Variants in ZNF562 observed in about 807,000 individuals in gnomAD.
ZNF562 encodes the protein zinc finger protein 562.
Under a neutral mutation model 17.5 loss-of-function variants are expected in ZNF562, and 13 were observed. The observed-to-expected ratio is 0.74, with a 90% CI of 0.48 to 1.18. ZNF562 has a LOEUF of 1.18. Among genes scored for constraint, ZNF562 ranks in the 50% most tolerant of loss-of-function variants. The pLI, the probability that ZNF562 is intolerant of heterozygous loss-of-function variation, is 0.00. For missense variants in ZNF562, 481 were observed against 498.5 expected (o/e 0.96, Z 0.33); for synonymous variants, 163 against 165.4 (o/e 0.99, Z 0.11).
rs1278189853 is a variant in ZNF562, at chr19:9,645,903, ATAAAT to A, written c.*7041_*7045del. On this transcript the variant is annotated 3_prime_UTR_variant, in exon 6 of 6. Transcript: ENST00000453372. ...ACAAATTTCAAACATCAAGAATAAAATAAATTAAAGGTATGATCAATACACATCAG... is the reference window on the plus strand; with the variant it reads ...ACAAATTTCAAACATCAAGAATAAAATAAAGGTATGATCAATACACATCAG... The A allele has an allele frequency of 5.3e-5, 8 of 152,194 alleles. No homozygotes were observed. The highest frequency in any genetic ancestry group is 7.2e-5 in the African/African-American group (3 of 41,448). 9.4% of individuals were successfully genotyped at this position (152,194 alleles called of 1,614,324 possible).
intron 1 of ZNF562, among the ~76,000 whole-genome samples, chr19:9,663,916 A>AT (rs1045118128): frequency 2.0e-3 from 298 of 147,834 alleles, no homozygotes; most frequent in Middle Eastern, 7.0e-3. Context: ...ATTCCCAGCT[A>AT]TTTTTTTTTT....
chr19:9,656,462 T>C, intron 5 of ZNF562, 85 bp downstream of exon 5: 3 of 1,455,550 alleles, frequency 2.1e-6, no homozygotes, highest in Non-Finnish European at 2.9e-6. Flanking sequence ...TGAGCTGAGA[T>C]GGTGCCACTG....
intron 1 of ZNF562, among the ~76,000 whole-genome samples, chr19:9,670,898 G>A (rs2044171205): frequency 6.6e-6 from 1 of 151,900 alleles, no homozygotes; most frequent in African/African-American, 2.4e-5. Flanking sequence ...TCGGGAGGCT[G>A]AGGCAGGAGA....
chr19:9,644,756 C>G lies in ZNF562; in HGVS notation c.*8193G>C, dbSNP rs2074795203. ...GACTGAGGCATGAGAATTACTTGAA[C>G]AGCATGGGGAAACCCCCCCCCATGA... is the stretch of plus-strand genomic sequence containing the variant. On this transcript the variant is annotated 3_prime_UTR_variant, in exon 6 of 6. Coordinates refer to ENST00000453372, the MANE Select transcript of ZNF562 (RefSeq NM_001130031.2). The G allele has an allele frequency of 6.6e-6, 1 of 151,858 alleles. No individual in the cohort carries two copies. Among genetic ancestry groups the G allele is most frequent in the African/African-American group, 2.4e-5 (1 of 41,390 alleles). 9.4% of individuals were successfully genotyped at this position (151,858 alleles called of 1,614,324 possible).
chr19:9,672,826 C>T (rs1351062400), intron 1 of ZNF562, among the ~76,000 whole-genome samples: 1 of 142,878 alleles, frequency 7.0e-6, no homozygotes, highest in Admixed American at 7.3e-5. Context: ...GTCACCCAGG[C>T]TGGAGGGCAG....
rs1388815301 is a variant in ZNF562 at position 9,642,642 on chromosome 19, A to C, written c.*10307T>G. 1 of 152,064 alleles carries C rather than the reference A, an allele frequency of 6.6e-6. No homozygotes were observed. The highest frequency in any genetic ancestry group is 6.6e-5 in the Admixed American group (1 of 15,230). The allele number at this position is 152,064 out of a possible 1,614,324, so 9.4% of individuals were successfully genotyped here. A position where few individuals can be genotyped will look rare whatever the true frequency, so the allele number is the denominator to read the frequency against. ...AAGATAGAGGGAAAACCCAAAATGG[A>C]ATACGAACAGGAACAATCAATCTGA... On this transcript the variant is annotated 3_prime_UTR_variant, in exon 6 of 6. Transcript: ENST00000453372.
rs2074810849 is a variant in ZNF562 at position 9,646,905 on chromosome 19, G to A, written c.*6044C>T. On this transcript the variant is annotated 3_prime_UTR_variant, in exon 6 of 6. Transcript: ENST00000453372. ...TCCTGCCTCAGCCTCCCAAGCGGCT[G>A]GGATTACAGGCGCCCGCCAACTCAC... 6.6e-6 allele frequency: 1 copy of A among 151,728 alleles called. No individual in the cohort carries two copies. Among genetic ancestry groups the A allele is most frequent in the African/African-American group, 2.4e-5 (1 of 41,348 alleles). 9.4% of individuals were successfully genotyped at this position (151,728 alleles called of 1,614,324 possible). A position where few individuals can be genotyped will look rare whatever the true frequency, so the allele number is the denominator to read the frequency against.
intron 1 of ZNF562, among the ~76,000 whole-genome samples, chr19:9,673,429 C>G (rs2044276483): frequency 6.6e-6 from 1 of 152,040 alleles, no homozygotes; most frequent in Admixed American, 6.6e-5. Context: ...TCTCCAACAG[C>G]TGGGATTACA....
chr19:9,663,427 GA>G (rs1299734755), intron 1 of ZNF562, among the ~76,000 whole-genome samples: 2 of 147,260 alleles, frequency 1.4e-5, no homozygotes, highest in Non-Finnish European at 3.0e-5. Flanking sequence ...AAAAAAAAAG[GA>G]AAAAGAAAAG....
In ZNF562 at chr19:9,648,267, T is replaced by C. The variant is rs1238400839; in HGVS notation, c.*4682A>G. 1 of 152,214 alleles carries C rather than the reference T, an allele frequency of 6.6e-6. No individual in the cohort carries two copies. The highest frequency in any genetic ancestry group is 2.4e-5 in the African/African-American group (1 of 41,456). 9.4% of individuals were successfully genotyped at this position (152,214 alleles called of 1,614,324 possible). A position where few individuals can be genotyped will look rare whatever the true frequency, so the allele number is the denominator to read the frequency against. On this transcript the variant is annotated 3_prime_UTR_variant, in exon 6 of 6. Coordinates refer to ENST00000453372, the MANE Select transcript of ZNF562 (RefSeq NM_001130031.2). ...CCAGGAATACAAGGTTGATGTAACATTGGAAAAGCAATAAATACAAATACC... is the reference window on the plus strand; with the variant it reads ...CCAGGAATACAAGGTTGATGTAACACTGGAAAAGCAATAAATACAAATACC...
chr19:9,652,043 A>G lies in ZNF562; in HGVS notation c.*906T>C, dbSNP rs544785348. 3 of 152,308 alleles carry G rather than the reference A, an allele frequency of 2.0e-5. No homozygotes were observed. The highest frequency in any genetic ancestry group is 4.1e-4 in the South Asian group (2 of 4,826). 9.4% of individuals were successfully genotyped at this position (152,308 alleles called of 1,614,324 possible). Reference sequence around the variant, plus strand: ...CTATCCATACTGCAAAAATTAGAAAACTTGTACTGAAGAGAATCCTCAAAG... The same window carrying G: ...CTATCCATACTGCAAAAATTAGAAAGCTTGTACTGAAGAGAATCCTCAAAG... On this transcript the variant is annotated 3_prime_UTR_variant, in exon 6 of 6. Transcript: ENST00000453372.
At chr19:9,660,575 C>A in intron 2 of ZNF562, 145 bp downstream of exon 2, 2 of 747,902 alleles carry the variant, frequency 2.7e-6, no homozygotes, top group South Asian at 4.2e-5. Context: ...CATTGCACTT[C>A]AGCCTGGGCA....
At chr19:9,655,048 T>C (rs1383896431) in intron 5 of ZNF562, among the ~76,000 whole-genome samples, 1 of 152,166 alleles carries the variant, frequency 6.6e-6, no homozygotes, top group East Asian at 1.9e-4. Context: ...CTGGGTACCA[T>C]GGCACAATCA....
chr19:9,649,139 C>A lies in ZNF562; in HGVS notation c.*3810G>T, dbSNP rs1460409966. The A allele has an allele frequency of 3.9e-5, 6 of 152,158 alleles. No homozygotes were observed. The highest frequency in any genetic ancestry group is 2.0e-4 in the Admixed American group (3 of 15,266). 9.4% of individuals were successfully genotyped at this position (152,158 alleles called of 1,614,324 possible). On this transcript the variant is annotated 3_prime_UTR_variant, in exon 6 of 6. Coordinates refer to ENST00000453372, the MANE Select transcript of ZNF562 (RefSeq NM_001130031.2). ...TTCTTATGCCTGTCTTTACTGCAAT[C>A]TCTAAACATAAATTGTAAAGATTTC...
Position 9,650,954 on chromosome 19 carries a change from C to CAAAAAAAAAAAAAAAAAA in ZNF562, c.*1977_*1994dup, listed in dbSNP as rs74178208. On this transcript the variant is annotated 3_prime_UTR_variant, in exon 6 of 6. Coordinates refer to ENST00000453372, the MANE Select transcript of ZNF562 (RefSeq NM_001130031.2). Reference sequence around the variant, plus strand: ...GGGCAACAAGAGCAAAACTCCATCTCAAAAAAAAAAAAAAAAAAAAAAAAA... The same window carrying CAAAAAAAAAAAAAAAAAA: ...GGGCAACAAGAGCAAAACTCCATCTCAAAAAAAAAAAAAAAAAAAAAAAAAAAAAAAAAAAAAAAAAAA... 4.3e-4 allele frequency: 20 copies of CAAAAAAAAAAAAAAAAAA among 46,310 alleles called. No individual in the cohort carries two copies. Among genetic ancestry groups the CAAAAAAAAAAAAAAAAAA allele is most frequent in the African/African-American group, 6.9e-4 (11 of 16,044 alleles). The allele number at this position is 46,310 out of a possible 1,614,324, so 2.9% of individuals were successfully genotyped here.
intron 1 of ZNF562, among the ~76,000 whole-genome samples, chr19:9,669,158 T>C (rs1301064792): frequency 6.6e-6 from 1 of 151,630 alleles, no homozygotes; most frequent in Non-Finnish European, 1.5e-5. Context: ...AAAGAAACAA[T>C]CAACAAAGTG....
At chr19:9,656,841 G>A (rs368801095) in intron 4 of ZNF562, among the ~76,000 whole-genome samples, 188 bp from the exon 5 acceptor site, 3 of 149,238 alleles carry the variant, frequency 2.0e-5, no homozygotes, top group South Asian at 4.2e-4. Flanking sequence ...TGACCAAAAT[G>A]GTGAAACCCT....
rs1268656948 is a variant in ZNF562 at position 9,652,764 on chromosome 19, T to C, written c.*185A>G. 1 of 508,590 alleles carries C rather than the reference T, an allele frequency of 2.0e-6. No homozygotes were observed. Among genetic ancestry groups the C allele is most frequent in the Admixed American group, 3.8e-5 (1 of 26,586 alleles). The allele number at this position is 508,590 out of a possible 1,614,324, so 31.5% of individuals were successfully genotyped here. On this transcript the variant is annotated 3_prime_UTR_variant, in exon 6 of 6. Transcript: ENST00000453372. The stretch of plus-strand genomic sequence containing the variant: ...TAAAGATGGCAACCAATGGGCTAAA[T>C]GGTAACAACACTCATATCCTTACAT...
At chr19:9,670,920 C>T (rs902288206) in intron 1 of ZNF562, among the ~76,000 whole-genome samples, 2 of 151,572 alleles carry the variant, frequency 1.3e-5, no homozygotes, top group African/African-American at 4.9e-5. Context: ...TCACTTGAAT[C>T]CGGGAGGAGG....
Sources: gnomAD v4.1 joint callset for allele counts (sites outside exome capture counted in the v4.1 genomes callset) on GRCh38, gnomAD v4.1.1 for gene constraint, MANE v1.5 for transcripts, NCBI Gene and HGNC (gene_info 2026-07-23, HGNC 2026-07-21) for gene names.